The following PCMTD1 variants were observed in gnomAD, a reference collection of about 807,000 sequenced individuals.
PCMTD1 encodes the protein protein-L-isoaspartate (D-aspartate) O-methyltransferase domain containing 1.
Under a neutral mutation model 37.6 loss-of-function variants are expected in PCMTD1, and 12 were observed. The ratio of observed to expected loss-of-function variants is 0.32; its 90% confidence interval spans 0.20 to 0.52. The LOEUF (loss-of-function observed/expected upper bound fraction) is 0.52. Ranked by LOEUF, PCMTD1 falls within the 20% of genes least tolerant of loss-of-function variation. The probability of loss-of-function intolerance (pLI) is 0.97; values close to 1 mark genes in which losing one functional copy is unlikely to be tolerated. For synonymous variants in PCMTD1, 117 were observed against 135.8 expected, an observed-to-expected ratio of 0.86 and a Z score of 0.96; for missense variants, 235 against 421.3, an observed-to-expected ratio of 0.56 and a Z score of 3.87.
chr8:51,863,804 G>A (rs1359021496), intron 1 of PCMTD1, among the ~76,000 whole-genome samples: 2 of 152,022 alleles, frequency 1.3e-5, no homozygotes, highest in Non-Finnish European at 2.9e-5. Flanking sequence ...GCACACAGCT[G>A]TAGTCCCAGC....
Position 51,819,808 on chromosome 8 carries a change from A to G in PCMTD1, c.*543T>C. ...AAAATTTGTGGGATTTTTTAAAGCT[A>G]AATTATTCAATATCTTGTATTGTTA... On this transcript the variant is annotated 3_prime_UTR_variant, in exon 6 of 6. Coordinates refer to ENST00000522514, the MANE Select transcript of PCMTD1 (RefSeq NM_052937.4). 6.5e-6 allele frequency: 1 copy of G among 152,776 alleles called. No homozygotes were observed. Among genetic ancestry groups the G allele is most frequent in the East Asian group, 1.9e-4 (1 of 5,186 alleles). 9.5% of individuals were successfully genotyped at this position (152,776 alleles called of 1,614,324 possible). A position where few individuals can be genotyped will look rare whatever the true frequency, so the allele number is the denominator to read the frequency against.
intron 3 of PCMTD1, chr8:51,839,606 C>G: frequency 2.0e-6 from 2 of 985,374 alleles, no homozygotes; most frequent in Non-Finnish European, 2.4e-6. Flanking sequence ...TGTAGCTTCC[C>G]TCTTAGACGG....
intron 3 of PCMTD1, among the ~76,000 whole-genome samples, chr8:51,834,513 C>A (rs1223652778): frequency 6.6e-6 from 1 of 152,132 alleles, no homozygotes; most frequent in Non-Finnish European, 1.5e-5. Flanking sequence ...CCCCAATGCA[C>A]TAATAAGACA....
chr8:51,840,623 A>C (rs1267345050), intron 3 of PCMTD1, among the ~76,000 whole-genome samples: 1 of 152,152 alleles, frequency 6.6e-6, no homozygotes, highest in African/African-American at 2.4e-5. Flanking sequence ...CATAAAGATG[A>C]AGTGAATAAA....
chr8:51,831,326 C>A, intron 5 of PCMTD1, 118 bp downstream of exon 5: 1 of 1,082,510 alleles, frequency 9.2e-7, no homozygotes, highest in Non-Finnish European at 1.3e-6. Context: ...AATAAATCCA[C>A]CAAATATCTT....
chr8:51,871,078 CAGAA>C, intron 1 of PCMTD1, among the ~76,000 whole-genome samples: 1 of 152,204 alleles, frequency 6.6e-6, no homozygotes, highest in Non-Finnish European at 1.5e-5. Context: ...ATTTCTGTGA[CAGAA>C]AGGGCACATT....
chr8:51,893,782 C>T (rs2038965938), intron 1 of PCMTD1, among the ~76,000 whole-genome samples: 1 of 152,108 alleles, frequency 6.6e-6, no homozygotes, highest in Non-Finnish European at 1.5e-5. Flanking sequence ...TGTGGACACA[C>T]ACAATTAAAA....
intron 2 of PCMTD1, among the ~76,000 whole-genome samples, chr8:51,847,470 T>C (rs2038238740): frequency 6.6e-6 from 1 of 151,506 alleles, no homozygotes; most frequent in Non-Finnish European, 1.5e-5. Context: ...CTACTAAAAA[T>C]ACAAAAATTA....
chr8:51,892,012 C>G (rs890975928), intron 1 of PCMTD1, among the ~76,000 whole-genome samples: 1 of 152,090 alleles, frequency 6.6e-6, no homozygotes, highest in African/African-American at 2.4e-5. Flanking sequence ...AGCATTCATA[C>G]CAAACTGTTA....
At chr8:51,844,503 G>C (rs1318708600) in intron 3 of PCMTD1, among the ~76,000 whole-genome samples, 1 of 152,088 alleles carries the variant, frequency 6.6e-6, no homozygotes, top group Non-Finnish European at 1.5e-5. Flanking sequence ...GTTAAGTACT[G>C]AGGATTTTGC....
intron 2 of PCMTD1, chr8:51,850,078 G>A (rs1361314968): frequency 1.4e-6 from 1 of 702,368 alleles, no homozygotes; most frequent in East Asian, 2.7e-5. Context: ...GGACTCTGAG[G>A]TCAAAATACT....
chr8:51,878,239 T>TG (rs2038740673), intron 1 of PCMTD1, among the ~76,000 whole-genome samples: 2 of 63,384 alleles, frequency 3.2e-5, no homozygotes, highest in South Asian at 1.3e-3. Flanking sequence ...TATTATGAGA[T>TG]TTTTTTTTTG....
intron 1 of PCMTD1, among the ~76,000 whole-genome samples, chr8:51,898,723 C>T (rs893678523): frequency 1.3e-5 from 2 of 151,908 alleles, no homozygotes; most frequent in African/African-American, 4.8e-5. Flanking sequence ...TCCTCCGCCC[C>T]CGGCCCGTCC....
At chr8:51,899,134 G>T (rs758062355), upstream of PCMTD1, 7 of 1,378,548 alleles carry the variant, frequency 5.1e-6, no homozygotes, top group South Asian at 1.6e-5. Context: ...ACGGGCACAG[G>T]GGCAGCTCCC....
chr8:51,880,342 G>C (rs1408154891), intron 1 of PCMTD1, among the ~76,000 whole-genome samples: 2 of 151,968 alleles, frequency 1.3e-5, no homozygotes, highest in East Asian at 3.9e-4. Context: ...ACAACTTTAG[G>C]CCTATAAGAT....
At chr8:51,836,388 C>A (rs552729633) in intron 3 of PCMTD1, among the ~76,000 whole-genome samples, 1 of 152,184 alleles carries the variant, frequency 6.6e-6, no homozygotes, top group African/African-American at 2.4e-5. Context: ...TTTTAAGTCA[C>A]CTAAAATGAA....
At chr8:51,859,567 T>C (rs563268809) in intron 2 of PCMTD1, among the ~76,000 whole-genome samples, 28 of 152,240 alleles carry the variant, frequency 1.8e-4, no homozygotes, top group East Asian at 5.8e-4. Context: ...CCATGACTAA[T>C]AGAGTAAGGA....
chr8:51,845,802 A>C, intron 2 of PCMTD1, 39 bp from the exon 3 acceptor site: 5 of 1,416,596 alleles, frequency 3.5e-6, no homozygotes, highest in Non-Finnish European at 4.0e-6. Flanking sequence ...AATATTAATA[A>C]TATGCCCTTA....
At chr8:51,848,066 CAG>C (rs1455615362) in intron 2 of PCMTD1, among the ~76,000 whole-genome samples, 15 of 149,448 alleles carry the variant, frequency 1.0e-4, no homozygotes, top group Admixed American at 3.3e-4. Flanking sequence ...GGCTGGGCAA[CAG>C]AGAGAGACCG....
Sources: allele counts gnomAD v4.1 joint callset (sites outside exome capture counted in the v4.1 genomes callset), GRCh38; gene constraint gnomAD v4.1.1; transcripts MANE v1.5; gene names NCBI Gene and HGNC (gene_info 2026-07-23, HGNC 2026-07-21).